The following ADCY2 variants were observed in gnomAD, a reference collection of about 807,000 sequenced individuals.
ADCY2 encodes the protein adenylate cyclase type 2.
A neutral mutation model predicts 125.2 loss-of-function variants in ADCY2; 31 were observed. That is an observed-to-expected ratio of 0.25 (90% CI 0.19 to 0.33). The LOEUF (loss-of-function observed/expected upper bound fraction) is 0.33, where lower values mean the gene tolerates loss of function less well. Ranked by LOEUF, ADCY2 falls within the 10% of genes least tolerant of loss-of-function variation. The probability of loss-of-function intolerance (pLI) is 1.00; values close to 1 mark genes in which losing one functional copy is unlikely to be tolerated. For missense variants in ADCY2, 904 were observed against 1,418.2 expected (o/e 0.64, Z 5.82); for synonymous variants, 512 against 548.4 (o/e 0.93, Z 0.93).
At chr5:7,656,054 CTT>C (rs1272806102) in intron 4 of ADCY2, among the ~76,000 whole-genome samples, 7 of 132,328 alleles carry the variant, frequency 5.3e-5, no homozygotes, top group Non-Finnish European at 9.7e-5. Flanking sequence ...TTTTCATTTT[CTT>C]TTTTTTTTTT....
chr5:7,772,782 A>G, intron 17 of ADCY2, 150 bp from the exon 18 acceptor site: 1 of 641,718 alleles, frequency 1.6e-6, no homozygotes, highest in Admixed American at 2.9e-5. Context: ...GGCATTTACC[A>G]CTGGATCAAA....
At chr5:7,576,931 C>T (rs1736271176) in intron 3 of ADCY2, among the ~76,000 whole-genome samples, 2 of 152,160 alleles carry the variant, frequency 1.3e-5, no homozygotes, top group Non-Finnish European at 2.9e-5. Context: ...GTCTGGTTTT[C>T]CTGAATAGAC....
At chr5:7,539,135 T>C (rs1734913815) in intron 3 of ADCY2, among the ~76,000 whole-genome samples, 1 of 152,136 alleles carries the variant, frequency 6.6e-6, no homozygotes, top group African/African-American at 2.4e-5. Flanking sequence ...AGTGCTGGGA[T>C]GACAGGTGTG....
At chr5:7,458,483 AT>A (rs1340375190) in intron 2 of ADCY2, among the ~76,000 whole-genome samples, 1 of 152,130 alleles carries the variant, frequency 6.6e-6, no homozygotes, top group Non-Finnish European at 1.5e-5. Flanking sequence ...ATGCTCTTTT[AT>A]TTTTCCCTCC....
intron 2 of ADCY2, among the ~76,000 whole-genome samples, chr5:7,509,975 C>A (rs1052540268): frequency 2.0e-5 from 3 of 152,066 alleles, no homozygotes; most frequent in African/African-American, 7.2e-5. Context: ...GTGATGCAAA[C>A]GGACAGTTTG....
chr5:7,415,303 C>G (rs1386754584), intron 2 of ADCY2, among the ~76,000 whole-genome samples: 1 of 152,198 alleles, frequency 6.6e-6, no homozygotes, highest in South Asian at 2.1e-4. Context: ...GTCTTTGACT[C>G]ATGGTCAAAG....
rs202062473 is a variant in ADCY2 at position 7,695,896 on chromosome 5, A to G, written c.981+33A>G. 8 of 1,473,368 alleles carry G rather than the reference A, an allele frequency of 5.4e-6. No homozygotes were observed. In the East Asian group the frequency reaches 7.0e-5, roughly 13 times the overall value. The allele number at this position is 1,473,368 out of a possible 1,614,324, so 91.3% of individuals were successfully genotyped here. A position where few individuals can be genotyped will look rare whatever the true frequency, so the allele number is the denominator to read the frequency against. On this transcript the variant is annotated intron_variant, in intron 6 of 24. Coordinates refer to ENST00000338316, the MANE Select transcript of ADCY2 (RefSeq NM_020546.3). ...TTATGGATTCTTTTCTTCTCTGAAG[A>G]TTTCTAAACTCTTGGTTTCGTTTTT... is the stretch of plus-strand genomic sequence containing the variant.
chr5:7,817,945 G>A (rs926110103), intron 23 of ADCY2, among the ~76,000 whole-genome samples: 3 of 148,778 alleles, frequency 2.0e-5, no homozygotes, highest in Non-Finnish European at 4.4e-5. Flanking sequence ...TTCATGACTT[G>A]CCTTTTACAA....
At chr5:7,468,216 G>T (rs190588183) in intron 2 of ADCY2, among the ~76,000 whole-genome samples, 9 of 152,260 alleles carry the variant, frequency 5.9e-5, no homozygotes, top group Admixed American at 5.9e-4. Context: ...TACTTGGGGA[G>T]GATCAAATTT....
intron 3 of ADCY2, among the ~76,000 whole-genome samples, chr5:7,582,835 A>C (rs1441475954): frequency 6.6e-6 from 1 of 152,144 alleles, no homozygotes; most frequent in Admixed American, 6.5e-5. Context: ...ACTTCTATTT[A>C]ATATTTACTG....
At chr5:7,723,560 A>C (rs1741832050) in intron 12 of ADCY2, among the ~76,000 whole-genome samples, 1 of 152,184 alleles carries the variant, frequency 6.6e-6, no homozygotes, top group South Asian at 2.1e-4. Context: ...GTACTTATGC[A>C]TGCGTTTTTA....
At chr5:7,793,244 C>G (rs1224981210) in intron 20 of ADCY2, among the ~76,000 whole-genome samples, 2 of 152,164 alleles carry the variant, frequency 1.3e-5, no homozygotes, top group Non-Finnish European at 2.9e-5. Flanking sequence ...GTCAGGAGTT[C>G]AAGACCAGTC....
chr5:7,452,944 G>A (rs191906320), intron 2 of ADCY2, among the ~76,000 whole-genome samples: 1 of 151,970 alleles, frequency 6.6e-6, no homozygotes, highest in East Asian at 1.9e-4. Flanking sequence ...CTTTTTAATG[G>A]GATTATTTGT....
At chr5:7,818,353 CTTT>C in intron 23 of ADCY2, among the ~76,000 whole-genome samples, 1 of 141,116 alleles carries the variant, frequency 7.1e-6, no homozygotes, top group African/African-American at 2.6e-5. Flanking sequence ...TTTTCTTTTT[CTTT>C]TTTTTTTTTT....
chr5:7,767,227 TTGGCAACATAC>T (rs916883321), intron 17 of ADCY2, among the ~76,000 whole-genome samples: 59 of 152,318 alleles, frequency 3.9e-4, no homozygotes, highest in African/African-American at 1.4e-3. Context: ...TCCCTCTTCT[TTGGCAACATAC>T]GTTGCTGAGT....
Position 7,520,875 on chromosome 5 carries a change from A to G in ADCY2, c.546A>G (p.Gly182=), listed in dbSNP as rs749178087. 35 of 1,613,970 alleles carry G rather than the reference A, an allele frequency of 2.2e-5. No individual in the cohort carries two copies. The highest frequency in any genetic ancestry group is 8.5e-7 in the Non-Finnish European group (1 of 1,180,026). The change falls in exon 3 of 25, where the codon GGA becomes GGG. Residue 182 remains glycine, a synonymous_variant. Transcript: ENST00000338316. ...GCGTCTGCCTGTCTGCAACACCGGGAGGCAAGGAGCACCTGGTCTGGCAGG... is the reference window on the plus strand; with the variant it reads ...GCGTCTGCCTGTCTGCAACACCGGGGGGCAAGGAGCACCTGGTCTGGCAGG... ...VLSVCLSATP[G]GKEHLVWQIL...
intron 4 of ADCY2, among the ~76,000 whole-genome samples, chr5:7,684,179 G>A (rs901310803): frequency 2.6e-5 from 4 of 152,314 alleles, no homozygotes; most frequent in South Asian, 4.1e-4. Flanking sequence ...TGTGAGTGTG[G>A]CGGTCATGTT....
At chr5:7,550,663 C>T (rs934842465) in intron 3 of ADCY2, among the ~76,000 whole-genome samples, 1 of 152,128 alleles carries the variant, frequency 6.6e-6, no homozygotes, top group Admixed American at 6.5e-5. Flanking sequence ...TGTGTCTTGT[C>T]TCCCTGCCTC....
At chr5:7,541,061 C>T (rs1027411531) in intron 3 of ADCY2, among the ~76,000 whole-genome samples, 1 of 152,098 alleles carries the variant, frequency 6.6e-6, no homozygotes, top group Non-Finnish European at 1.5e-5. Flanking sequence ...CTCGGCACAG[C>T]GTATCAGCTA....
Sources: gnomAD v4.1 joint callset for allele counts (sites outside exome capture counted in the v4.1 genomes callset) on GRCh38, gnomAD v4.1.1 for gene constraint, MANE v1.5 for transcripts, NCBI Gene and HGNC (gene_info 2026-07-23, HGNC 2026-07-21) for gene names.